The following REDIC1 variants were observed in gnomAD, a reference collection of about 807,000 sequenced individuals.
The protein encoded by REDIC1 is HEI10 Interacting Protein 1.
chr12:39,712,153 C>CATGTATATGTACAGGTATATATACCTGT, the REDIC1 span, among the ~76,000 whole-genome samples: 2 of 95,072 alleles, frequency 2.1e-5, no homozygotes, highest in Non-Finnish European at 4.6e-5. Flanking sequence ...TACATCTATA[C>CATGTATATGTACAGGTATATATACCTGT]ATGTATATGT....
chr12:39,770,290 C>T, the REDIC1 span, among the ~76,000 whole-genome samples: 4 of 152,194 alleles, frequency 2.6e-5, no homozygotes, highest in East Asian at 7.8e-4. Context: ...TACCTAAGTA[C>T]CTAAAATAGC....
chr12:39,828,173 G>C, the REDIC1 span, among the ~76,000 whole-genome samples: 1 of 152,000 alleles, frequency 6.6e-6, no homozygotes, highest in African/African-American at 2.4e-5. Context: ...CTCTTTTCTA[G>C]CCAAGACTAA....
the REDIC1 span, among the ~76,000 whole-genome samples, chr12:39,717,964 C>A: frequency 2.0e-5 from 3 of 150,082 alleles, no homozygotes; most frequent in Admixed American, 1.3e-4. Flanking sequence ...AACCCTTCAC[C>A]TTTCACCTTT....
chr12:39,665,542 A>G, the REDIC1 span, among the ~76,000 whole-genome samples: 1 of 149,584 alleles, frequency 6.7e-6, no homozygotes, highest in East Asian at 1.9e-4. Context: ...CTTAGGATTG[A>G]CTTGGCGATG....
At chr12:39,713,268 G>A in the REDIC1 span, among the ~76,000 whole-genome samples, 7 of 42,334 alleles carry the variant, frequency 1.7e-4, no homozygotes, top group Non-Finnish European at 5.3e-5. Flanking sequence ...GTGTATATAT[G>A]TGTACACACA....
At chr12:39,874,135 A>C in the REDIC1 span, among the ~76,000 whole-genome samples, 1 of 152,178 alleles carries the variant, frequency 6.6e-6, no homozygotes, top group Non-Finnish European at 1.5e-5. Context: ...TTGCTGTAGA[A>C]TATTTCTTGA....
At chr12:39,893,134 G>C in the REDIC1 span, among the ~76,000 whole-genome samples, 1 of 152,066 alleles carries the variant, frequency 6.6e-6, no homozygotes, top group Admixed American at 6.6e-5. Flanking sequence ...AACCCAATGA[G>C]AGTTATCAAA....
the REDIC1 span, among the ~76,000 whole-genome samples, chr12:39,747,896 C>T: frequency 5.9e-5 from 9 of 152,122 alleles, no homozygotes; most frequent in Admixed American, 6.5e-5. Flanking sequence ...TTGTCACCAC[C>T]AGGCCTGCCC....
At chr12:39,856,830 A>AT in the REDIC1 span, among the ~76,000 whole-genome samples, 1 of 152,190 alleles carries the variant, frequency 6.6e-6, no homozygotes, top group Admixed American at 6.5e-5. Context: ...TAATAGCTGA[A>AT]TTGTTTTCGT....
the REDIC1 span, chr12:39,646,746 G>T: frequency 2.5e-6 from 2 of 810,340 alleles, no homozygotes; most frequent in Non-Finnish European, 3.8e-6. Flanking sequence ...GTTTCTATAT[G>T]TTTTGTGTAG....
chr12:39,878,338 G>T, the REDIC1 span, among the ~76,000 whole-genome samples: 13 of 152,330 alleles, frequency 8.5e-5, no homozygotes, highest in South Asian at 2.7e-3. Flanking sequence ...GGAAGATCAA[G>T]AAAAATTTGG....
chr12:39,857,456 C>A, the REDIC1 span, among the ~76,000 whole-genome samples: 14 of 152,178 alleles, frequency 9.2e-5, no homozygotes, highest in Non-Finnish European at 1.8e-4. Context: ...AATCACCCAG[C>A]CTTGCCATTC....
the REDIC1 span, among the ~76,000 whole-genome samples, chr12:39,665,260 G>A: frequency 2.0e-5 from 3 of 152,158 alleles, no homozygotes; most frequent in Admixed American, 6.5e-5. Flanking sequence ...TAAGGTGTAA[G>A]GAAGGGATCC....
At chr12:39,726,730 A>AG in the REDIC1 span, among the ~76,000 whole-genome samples, 1 of 152,304 alleles carries the variant, frequency 6.6e-6, no homozygotes, top group South Asian at 2.1e-4. Context: ...ATCCTTGAGG[A>AG]ATCGCCACAC....
chr12:39,898,229 C>G, the REDIC1 span, among the ~76,000 whole-genome samples: 2 of 152,022 alleles, frequency 1.3e-5, no homozygotes, highest in Non-Finnish European at 1.5e-5. Flanking sequence ...CTATAGATAC[C>G]TATTATCAAA....
chr12:39,655,988 T>C, the REDIC1 span, among the ~76,000 whole-genome samples: 2 of 152,178 alleles, frequency 1.3e-5, no homozygotes, highest in Admixed American at 6.5e-5. Flanking sequence ...GGTTTTTTTT[T>C]TCTTCTTTTT....
the REDIC1 span, among the ~76,000 whole-genome samples, chr12:39,840,988 G>A: frequency 1.3e-4 from 20 of 152,202 alleles, no homozygotes; most frequent in East Asian, 3.7e-3. Flanking sequence ...TAACAAGATT[G>A]AAGCTTGAAT....
chr12:39,655,157 C>T, the REDIC1 span, among the ~76,000 whole-genome samples: 55 of 151,842 alleles, frequency 3.6e-4, no homozygotes, highest in Admixed American at 6.5e-4. Flanking sequence ...TTTTGTAGGT[C>T]TTTTTAAACA....
chr12:39,666,371 T>C, the REDIC1 span, among the ~76,000 whole-genome samples: 2 of 152,218 alleles, frequency 1.3e-5, no homozygotes, highest in African/African-American at 4.8e-5. Flanking sequence ...ATTACGTTTA[T>C]TGATTTGCAT....
Sources: gnomAD v4.1 joint callset for allele counts (sites outside exome capture counted in the v4.1 genomes callset) on GRCh38, gnomAD v4.1.1 for gene constraint, MANE v1.5 for transcripts, NCBI Gene and HGNC (gene_info 2026-07-23, HGNC 2026-07-21) for gene names.